The following FTO variants were observed in gnomAD, a reference collection of about 807,000 sequenced individuals.
FTO encodes alpha-ketoglutarate-dependent dioxygenase FTO.
In FTO, 47 loss-of-function variants were observed where a neutral mutation model predicts 63.9. The ratio of observed to expected loss-of-function variants is 0.74; its 90% CI spans 0.58 to 0.94. FTO has a LOEUF of 0.94. Ranked by LOEUF, FTO falls within the 40% of genes least tolerant of loss-of-function variation. The probability of loss-of-function intolerance (pLI) is 0.00; values close to 1 mark genes in which losing one functional copy is unlikely to be tolerated. For missense variants in FTO, 562 were observed against 618.1 expected (o/e 0.91, Z 0.96); for synonymous variants, 207 against 224.4 (o/e 0.92, Z 0.69).
chr16:53,801,578 A>G (rs573655446), intron 1 of FTO, among the ~76,000 whole-genome samples: 17 of 152,054 alleles, frequency 1.1e-4, no homozygotes, highest in Admixed American at 3.3e-4. Flanking sequence ...TTCCACCTGA[A>G]GATCTTCCAT....
At chr16:53,955,217 C>T (rs1232984625) in intron 8 of FTO, among the ~76,000 whole-genome samples, 1 of 152,076 alleles carries the variant, frequency 6.6e-6, no homozygotes, top group African/African-American at 2.4e-5. Flanking sequence ...TCATTTATTC[C>T]ACAAATATTT....
In FTO at chr16:53,916,417, A is replaced by G. The variant is rs73611642; in HGVS notation, c.1240-17568A>G. Among the ~76,000 whole-genome samples, 521 of 152,350 alleles carry G rather than the reference A, an allele frequency of 3.4e-3. 3 individuals carry two copies. Among genetic ancestry groups the G allele is most frequent in the African/African-American group, 0.012 (495 of 41,584 alleles). On this transcript the variant is annotated intron_variant, in intron 7 of 8. Coordinates refer to ENST00000471389, the MANE Select transcript of FTO (RefSeq NM_001080432.3). ...TGGAATGATATAAGAAAATGAATGC[A>G]GTATAATGAGAATTAAAAAAATAAA...
chr16:54,042,014 A>C (rs564712855), intron 8 of FTO, among the ~76,000 whole-genome samples: 1 of 152,336 alleles, frequency 6.6e-6, no homozygotes, highest in South Asian at 2.1e-4. Context: ...CTAAATGTAG[A>C]ACCTGGCTGT....
chr16:54,066,609 C>T (rs2144421322), intron 8 of FTO, among the ~76,000 whole-genome samples: 1 of 152,306 alleles, frequency 6.6e-6, no homozygotes, highest in East Asian at 1.9e-4. Context: ...CTCACCAGCC[C>T]ATTGGTATTG....
chr16:53,871,366 A>T lies in FTO; in HGVS notation c.896-2420A>T, dbSNP rs978714553. On this transcript the variant is annotated intron_variant, in intron 4 of 8. Transcript: ENST00000471389. Reference sequence around the variant, plus strand: ...GTAGTCTTTTTTGTTTAGCCACTTTATTTTGCATAGTTTTTATTTTTCATG... The same window carrying T: ...GTAGTCTTTTTTGTTTAGCCACTTTTTTTTGCATAGTTTTTATTTTTCATG... 7.2e-5 allele frequency among the ~76,000 whole-genome samples: 11 copies of T among 151,848 alleles called. 1 individual carries two copies. Among genetic ancestry groups the T allele is most frequent in the Admixed American group, 4.6e-4 (7 of 15,264 alleles).
At chr16:54,069,327 G>C (rs926274563) in intron 8 of FTO, among the ~76,000 whole-genome samples, 2 of 152,170 alleles carry the variant, frequency 1.3e-5, no homozygotes, top group African/African-American at 4.8e-5. Flanking sequence ...AGTTGAGATG[G>C]CAGGGTATTT....
intron 1 of FTO, among the ~76,000 whole-genome samples, chr16:53,721,018 G>C (rs1160101005): frequency 3.3e-5 from 5 of 152,066 alleles, no homozygotes; most frequent in Non-Finnish European, 7.3e-5. Flanking sequence ...TCAAACCCTT[G>C]GGCTCAAGCT....
At chr16:53,939,674 T>A (rs1048323612) in intron 8 of FTO, among the ~76,000 whole-genome samples, 2 of 152,192 alleles carry the variant, frequency 1.3e-5, no homozygotes, top group African/African-American at 4.8e-5. Flanking sequence ...TCTCTACAGA[T>A]TTGCCTATTT....
At chr16:53,979,140 C>A (rs559246470) in intron 8 of FTO, among the ~76,000 whole-genome samples, 1 of 151,866 alleles carries the variant, frequency 6.6e-6, no homozygotes, top group South Asian at 2.1e-4. Flanking sequence ...AATAATTTTC[C>A]TCAATATATA....
Position 53,866,558 on chromosome 16 carries a change from C to G in FTO, c.896-7228C>G, listed in dbSNP as rs142864299. ...ATTCAATTTCTTTAATAGAGATAGG[C>G]CTATTCATATTATTCATTTCTTCTT... On this transcript the variant is annotated intron_variant, in intron 4 of 8. Transcript: ENST00000471389. Among the ~76,000 whole-genome samples, 469 of 152,140 alleles carry G rather than the reference C, an allele frequency of 3.1e-3. 6 individuals carry two copies. The highest frequency in any genetic ancestry group is 3.7e-3 in the Non-Finnish European group (249 of 67,958).
chr16:54,028,262 T>C (rs2084757682), intron 8 of FTO, among the ~76,000 whole-genome samples: 1 of 152,164 alleles, frequency 6.6e-6, no homozygotes, highest in Non-Finnish European at 1.5e-5. Context: ...GGCCCACCAG[T>C]TGGGTAGCTT....
At chr16:54,073,143 G>T (rs1326582721) in intron 8 of FTO, among the ~76,000 whole-genome samples, 1 of 151,944 alleles carries the variant, frequency 6.6e-6, no homozygotes, top group Non-Finnish European at 1.5e-5. Context: ...CCTCTCCTAC[G>T]TGTCCTGTTG....
At position 53,880,185 on chromosome 16, in the gene FTO, C is replaced by T. The variant is rs535121618; in HGVS notation, c.1119+198C>T. On this transcript the variant is annotated intron_variant, in intron 6 of 8. Coordinates refer to ENST00000471389, the MANE Select transcript of FTO (RefSeq NM_001080432.3). ...CTGATTTTGATATTTTTAGTAGAGACGAGGTTTCACCACGTTGGCCAGGCT... is the reference window on the plus strand; with the variant it reads ...CTGATTTTGATATTTTTAGTAGAGATGAGGTTTCACCACGTTGGCCAGGCT... 1.7e-4 allele frequency among the ~76,000 whole-genome samples: 26 copies of T among 152,046 alleles called. 1 individual carries two copies. The highest frequency in any genetic ancestry group is 5.2e-4 in the Admixed American group (8 of 15,268).
At chr16:53,742,860 T>G (rs2076558006) in intron 1 of FTO, among the ~76,000 whole-genome samples, 1 of 152,156 alleles carries the variant, frequency 6.6e-6, no homozygotes, top group African/African-American at 2.4e-5. Flanking sequence ...GGTTATAGTT[T>G]GTGGAGATAT....
At chr16:53,895,492 T>C (rs2151916450) in intron 7 of FTO, among the ~76,000 whole-genome samples, 1 of 152,322 alleles carries the variant, frequency 6.6e-6, no homozygotes, top group South Asian at 2.1e-4. Context: ...CTTAAACCCC[T>C]TTAGAGAATT....
chr16:53,777,310 G>C lies in FTO; in HGVS notation c.46-32830G>C, dbSNP rs555982332. Among the ~76,000 whole-genome samples the C allele has an allele frequency of 3.3e-5, 5 of 152,124 alleles. No individual in the cohort carries two copies. In the East Asian group the frequency reaches 9.7e-4, roughly 29 times the overall value. On this transcript the variant is annotated intron_variant, in intron 1 of 8. Transcript: ENST00000471389. ...CCATATTTTAGGGAGATCTGTACCT[G>C]GCTTATTTCACTTAGCATAATGCCC...
chr16:54,049,860 A>C (rs567661840), intron 8 of FTO, among the ~76,000 whole-genome samples: 54 of 152,334 alleles, frequency 3.5e-4, no homozygotes, highest in Non-Finnish European at 6.5e-4. Context: ...ATGAGGAAGC[A>C]GTAGTTTGGC....
chr16:54,051,063 G>T (rs993690032), intron 8 of FTO, among the ~76,000 whole-genome samples: 16 of 152,122 alleles, frequency 1.1e-4, no homozygotes, highest in African/African-American at 3.9e-4. Flanking sequence ...TACAAAAAGC[G>T]TTATCCATAA....
chr16:53,808,216 C>T (rs2078421651), intron 1 of FTO, among the ~76,000 whole-genome samples: 1 of 151,994 alleles, frequency 6.6e-6, no homozygotes, highest in African/African-American at 2.4e-5. Context: ...CACCTTTAGT[C>T]CCAGCTACTT....
Sources: allele counts gnomAD v4.1 joint callset (sites outside exome capture counted in the v4.1 genomes callset), GRCh38; gene constraint gnomAD v4.1.1; transcripts MANE v1.5; gene names NCBI Gene and HGNC (gene_info 2026-07-23, HGNC 2026-07-21).